Variants in CLSTN2 observed in about 807,000 individuals in gnomAD.
The protein encoded by CLSTN2 is calsyntenin-2.
CLSTN2 carries 48 observed loss-of-function variants against 101.2 expected under a neutral mutation model. That is an observed-to-expected ratio of 0.47 (90% CI 0.38 to 0.60). The LOEUF (loss-of-function observed/expected upper bound fraction) is 0.60, where lower values mean the gene tolerates loss of function less well. CLSTN2 is among the 20% of genes least tolerant of loss of function. The pLI is 0.00. For missense variants in CLSTN2, 1,160 were observed against 1,238.2 expected (o/e 0.94, Z 0.95); for synonymous variants, 481 against 463.6 (o/e 1.04, Z -0.48).
intron 1 of CLSTN2, among the ~76,000 whole-genome samples, chr3:139,975,742 C>G (rs1258280452): frequency 6.6e-6 from 1 of 152,152 alleles, no homozygotes; most frequent in Non-Finnish European, 1.5e-5. Context: ...GGGTGCTTGT[C>G]CAGTGAATGA....
intron 8 of CLSTN2, among the ~76,000 whole-genome samples, chr3:140,487,252 G>A (rs899265899): frequency 1.3e-5 from 2 of 152,212 alleles, no homozygotes; most frequent in Non-Finnish European, 2.9e-5. Flanking sequence ...TATCCACAAA[G>A]ATCTCAGAAA....
chr3:140,492,339 A>T (rs1934369554), intron 8 of CLSTN2, among the ~76,000 whole-genome samples: 1 of 152,214 alleles, frequency 6.6e-6, no homozygotes, highest in South Asian at 2.1e-4. Context: ...ACATGTGTTT[A>T]TTAAAAGACA....
chr3:140,131,949 A>C (rs774056621), intron 1 of CLSTN2, among the ~76,000 whole-genome samples: 59 of 152,168 alleles, frequency 3.9e-4, no homozygotes, highest in Non-Finnish European at 6.8e-4. Flanking sequence ...AGTGACGTTT[A>C]AAACGTTGAA....
rs559862866 is a variant in CLSTN2 at position 140,139,638 on chromosome 3, G to T, written c.110-36313G>T. On this transcript the variant is annotated intron_variant, in intron 1 of 16. Coordinates refer to ENST00000458420, the MANE Select transcript of CLSTN2 (RefSeq NM_022131.3). ...GCCAGGGTGAAAACCGCTGCTTCAGGGGCAAGCAGAGCTAAAGAAATATAT... is the reference window on the plus strand; with the variant it reads ...GCCAGGGTGAAAACCGCTGCTTCAGTGGCAAGCAGAGCTAAAGAAATATAT... Among the ~76,000 whole-genome samples, 46 of 152,270 alleles carry T rather than the reference G, an allele frequency of 3.0e-4. 1 individual carries two copies. Among genetic ancestry groups the T allele is most frequent in the African/African-American group, 1.1e-3 (46 of 41,562 alleles).
chr3:140,412,395 C>G (rs1312805794), intron 4 of CLSTN2, among the ~76,000 whole-genome samples: 4 of 152,182 alleles, frequency 2.6e-5, no homozygotes, highest in African/African-American at 9.7e-5. Flanking sequence ...AAGGTAGTCA[C>G]TGTGGCATAT....
At chr3:139,976,464 TCTC>T (rs1935820335) in intron 1 of CLSTN2, among the ~76,000 whole-genome samples, 1 of 152,338 alleles carries the variant, frequency 6.6e-6, no homozygotes, top group Admixed American at 6.5e-5. Flanking sequence ...TAGGTACTGT[TCTC>T]CTCAGTGCAC....
chr3:140,045,458 A>T (rs981845550), intron 1 of CLSTN2, among the ~76,000 whole-genome samples: 2 of 151,688 alleles, frequency 1.3e-5, no homozygotes, highest in African/African-American at 4.8e-5. Flanking sequence ...AATTTTGTTG[A>T]TCTTTTCAAA....
chr3:140,392,280 ATAT>A (rs1277795581), intron 2 of CLSTN2, among the ~76,000 whole-genome samples: 2 of 151,680 alleles, frequency 1.3e-5, no homozygotes, highest in Non-Finnish European at 2.9e-5. Flanking sequence ...AAAATATCCA[ATAT>A]TATTATTTCA....
At chr3:140,517,253 T>C (rs1934938674) in intron 8 of CLSTN2, among the ~76,000 whole-genome samples, 1 of 152,246 alleles carries the variant, frequency 6.6e-6, no homozygotes, top group Non-Finnish European at 1.5e-5. Flanking sequence ...TAAATTGGAC[T>C]TCACTTTTCT....
chr3:140,410,314 A>C (rs113149939), intron 4 of CLSTN2, among the ~76,000 whole-genome samples: 14 of 151,722 alleles, frequency 9.2e-5, no homozygotes, highest in African/African-American at 3.4e-4. Context: ...AAACATATAC[A>C]TGGGAACCTC....
At chr3:140,178,589 G>C (rs964690033) in intron 2 of CLSTN2, among the ~76,000 whole-genome samples, 1 of 152,170 alleles carries the variant, frequency 6.6e-6, no homozygotes, top group African/African-American at 2.4e-5. Flanking sequence ...GCTCTTAGGA[G>C]TAAAAAATAA....
chr3:140,558,534 A>G, intron 11 of CLSTN2, 106 bp from the exon 12 acceptor site: 1 of 810,564 alleles, frequency 1.2e-6, no homozygotes, highest in South Asian at 1.7e-5. Flanking sequence ...TTACGCAGTC[A>G]CGATGCCTTG....
chr3:140,223,937 C>T (rs114701988), intron 2 of CLSTN2, among the ~76,000 whole-genome samples: 205 of 152,116 alleles, frequency 1.3e-3, no homozygotes, highest in Middle Eastern at 3.4e-3. Context: ...GAGTGTGTGC[C>T]GTCCTCTGTA....
chr3:140,014,433 G>A (rs1208073997), intron 1 of CLSTN2, among the ~76,000 whole-genome samples: 3 of 151,988 alleles, frequency 2.0e-5, no homozygotes, highest in Non-Finnish European at 4.4e-5. Context: ...TGGCCAGGCT[G>A]GTCTCAAACT....
intron 8 of CLSTN2, among the ~76,000 whole-genome samples, chr3:140,473,906 C>T (rs927451000): frequency 4.6e-5 from 7 of 151,992 alleles, no homozygotes; most frequent in African/African-American, 7.2e-5. Flanking sequence ...TACAGGCACC[C>T]GCTACCACGC....
At chr3:139,993,909 T>C (rs1028628014) in intron 1 of CLSTN2, among the ~76,000 whole-genome samples, 2 of 152,200 alleles carry the variant, frequency 1.3e-5, no homozygotes, top group Admixed American at 6.5e-5. Context: ...TTGTGACTGA[T>C]ACAATGAATC....
At chr3:140,136,436 G>A (rs1350048664) in intron 1 of CLSTN2, among the ~76,000 whole-genome samples, 1 of 152,152 alleles carries the variant, frequency 6.6e-6, no homozygotes, top group Non-Finnish European at 1.5e-5. Flanking sequence ...ATGAAAATTA[G>A]TATTGTGCTT....
In CLSTN2 at chr3:140,466,707, G is replaced by A. The variant is rs375235313; in HGVS notation, c.1320G>A (p.Ala440=). The change falls in exon 8 of 17, where the codon GCG becomes GCA. Residue 440 remains alanine, a synonymous_variant. Coordinates refer to ENST00000458420, the MANE Select transcript of CLSTN2 (RefSeq NM_022131.3). The part of the protein sequence containing the change: ...DFDQADTFRP[A]EFHWKLDQIC... ...ACCAGGCTGACACCTTTCGCCCCGC[G>A]GAGTTCCACTGGAAGCTGGATCAGG... 14 of 1,613,938 alleles carry A rather than the reference G, an allele frequency of 8.7e-6. No homozygotes were observed. The highest frequency in any genetic ancestry group is 2.2e-5 in the South Asian group (2 of 91,080).
At chr3:140,387,544 C>A (rs1243776874) in intron 2 of CLSTN2, among the ~76,000 whole-genome samples, 1 of 152,168 alleles carries the variant, frequency 6.6e-6, no homozygotes, top group Non-Finnish European at 1.5e-5. Flanking sequence ...AAATTTGGCT[C>A]ATTCTTTGCC....
Sources: gnomAD v4.1 joint callset for allele counts (sites outside exome capture counted in the v4.1 genomes callset) on GRCh38, gnomAD v4.1.1 for gene constraint, MANE v1.5 for transcripts, NCBI Gene and HGNC (gene_info 2026-07-23, HGNC 2026-07-21) for gene names.